Variants in TRHR observed in about 807,000 individuals in gnomAD.
TRHR encodes the protein thyrotropin releasing hormone receptor.
A neutral mutation model predicts 28.0 loss-of-function variants in TRHR; 14 were observed. The ratio of observed to expected loss-of-function variants is 0.50; its 90% confidence interval spans 0.33 to 0.78. The LOEUF is 0.78. Ranked by LOEUF, TRHR falls within the 30% of genes least tolerant of loss-of-function variation. The pLI is 0.02. For missense variants in TRHR, 438 were observed against 469.5 expected (o/e 0.93, Z 0.62); for synonymous variants, 176 against 171.9 (o/e 1.02, Z -0.18).
intron 2 of TRHR, among the ~76,000 whole-genome samples, chr8:109,114,999 T>C (rs1811897322): frequency 6.6e-6 from 1 of 151,978 alleles, no homozygotes; most frequent in Non-Finnish European, 1.5e-5. Context: ...TATAAGATCA[T>C]TTTTACTCAA....
Position 109,119,349 on chromosome 8 carries a change from GC to G in TRHR, c.1092del (p.Ser364ArgfsTer38). ...GTCATCAAGGAGTCAGACCATTTCA[GC>G]ACAGAGCTTGATGATATCACTGTCA... Reference protein sequence around the residue: ...YSVIKESDHFSTELDDITVTD... With the variant: ...YSVIKESDHFXTELDDITVTD... On this transcript the variant is annotated frameshift_variant, in exon 3 of 3. Transcript: ENST00000518632. LOFTEE classifies it high-confidence loss of function. The G allele has an allele frequency of 6.2e-7, 1 of 1,612,360 alleles. No individual in the cohort carries two copies. Among genetic ancestry groups the G allele is most frequent in the South Asian group, 1.1e-5 (1 of 91,022 alleles).
chr8:109,090,994 G>C (rs1025350078), intron 2 of TRHR, among the ~76,000 whole-genome samples: 8 of 152,174 alleles, frequency 5.3e-5, no homozygotes, highest in African/African-American at 1.9e-4. Context: ...GGCAAAGAAA[G>C]GAATTTGCAC....
In TRHR at chr8:109,121,438, G is replaced by T. The variant is rs1319019164; in HGVS notation, c.*1983G>T. 2.6e-5 allele frequency among the ~76,000 whole-genome samples: 4 copies of T among 151,680 alleles called. No homozygotes were observed. Among genetic ancestry groups the T allele is most frequent in the Admixed American group, 1.3e-4 (2 of 15,160 alleles). ...CATCGACTATGTCTCAGGTATGCTG[G>T]TAGGTAGTCAATCAACATTATCTTC... is the stretch of plus-strand genomic sequence containing the variant. On this transcript the variant is annotated 3_prime_UTR_variant, in exon 3 of 3. Transcript: ENST00000518632.
intron 2 of TRHR, among the ~76,000 whole-genome samples, chr8:109,105,743 A>G (rs1230352147): frequency 6.6e-6 from 1 of 152,168 alleles, no homozygotes; most frequent in Non-Finnish European, 1.5e-5. Flanking sequence ...TATTGAATCC[A>G]TATGTTTTCC....
intron 2 of TRHR, among the ~76,000 whole-genome samples, chr8:109,099,134 T>C (rs1811639314): frequency 6.7e-6 from 1 of 149,426 alleles, no homozygotes; most frequent in African/African-American, 2.5e-5. Context: ...AAAGAAATTG[T>C]AAGGGAGAGA....
chr8:109,116,531 G>A (rs1811924057), intron 2 of TRHR, among the ~76,000 whole-genome samples: 1 of 152,046 alleles, frequency 6.6e-6, no homozygotes, highest in Admixed American at 6.6e-5. Context: ...TTAGTCTTGG[G>A]AGGGTGTATG....
chr8:109,106,523 C>G (rs529299152), intron 2 of TRHR, among the ~76,000 whole-genome samples: 1 of 152,240 alleles, frequency 6.6e-6, no homozygotes, highest in African/African-American at 2.4e-5. Flanking sequence ...TACAGAATAA[C>G]AGACTGTTCC....
chr8:109,109,120 C>T lies in TRHR; in HGVS notation c.790-9928C>T, dbSNP rs117810661. Among the ~76,000 whole-genome samples the T allele has an allele frequency of 6.9e-3, 1,056 of 152,192 alleles. 10 individuals carry two copies. Among genetic ancestry groups the T allele is most frequent in the Non-Finnish European group, 8.6e-3 (585 of 68,018 alleles). ...TGAATAAGAATACCTTTGTTAGGTGCGATAGGCATAAACTCTTGTGTAGAA... is the reference window on the plus strand; with the variant it reads ...TGAATAAGAATACCTTTGTTAGGTGTGATAGGCATAAACTCTTGTGTAGAA... On this transcript the variant is annotated intron_variant, in intron 2 of 2. Transcript: ENST00000518632.
chr8:109,113,465 A>G (rs1469247525), intron 2 of TRHR, among the ~76,000 whole-genome samples: 1 of 152,162 alleles, frequency 6.6e-6, no homozygotes, highest in Non-Finnish European at 1.5e-5. Flanking sequence ...GGAAAGTTAG[A>G]GAAACTGTCC....
chr8:109,106,691 A>G (rs529226390), intron 2 of TRHR, among the ~76,000 whole-genome samples: 100 of 152,288 alleles, frequency 6.6e-4, no homozygotes, highest in African/African-American at 2.3e-3. Flanking sequence ...GAAAGAAACC[A>G]GACACAATAT....
intron 2 of TRHR, 49 bp downstream of exon 2, chr8:109,088,350 T>C (rs758266406): frequency 2.5e-6 from 4 of 1,595,384 alleles, no homozygotes; most frequent in Admixed American, 3.4e-5. Context: ...TGGGATAGAG[T>C]TCCTTGGAGA....
intron 2 of TRHR, 35 bp from the exon 3 acceptor site, chr8:109,119,013 G>C: frequency 6.2e-7 from 1 of 1,611,678 alleles, no homozygotes; most frequent in South Asian, 1.1e-5. Flanking sequence ...GTTTTCATTT[G>C]TGTTTGTACA....
intron 2 of TRHR, among the ~76,000 whole-genome samples, chr8:109,117,273 C>A (rs537474791): frequency 6.6e-6 from 1 of 151,816 alleles, no homozygotes; most frequent in Non-Finnish European, 1.5e-5. Flanking sequence ...CTTAAGTAGA[C>A]AGATTTGAAT....
intron 2 of TRHR, among the ~76,000 whole-genome samples, chr8:109,107,406 A>C (rs1050719764): frequency 2.0e-5 from 3 of 152,166 alleles, no homozygotes; most frequent in Non-Finnish European, 4.4e-5. Flanking sequence ...TACAAGGCTG[A>C]AATGTCTTAT....
chr8:109,098,783 T>G (rs569648672), intron 2 of TRHR, among the ~76,000 whole-genome samples: 1 of 152,340 alleles, frequency 6.6e-6, no homozygotes, highest in South Asian at 2.1e-4. Context: ...CTATCCTCCC[T>G]GTGGTAGGTC....
Position 109,119,217 on chromosome 8 carries a change from A to C in TRHR, c.959A>C (p.Tyr320Ser). The C allele has an allele frequency of 6.2e-7, 1 of 1,612,888 alleles. No individual in the cohort carries two copies. Among genetic ancestry groups the C allele is most frequent in the Non-Finnish European group, 8.5e-7 (1 of 1,179,284 alleles). ...YLNSAINPVIYNLMSQKFRAA... is the reference protein window; with the variant it reads ...YLNSAINPVISNLMSQKFRAA... ...AACAGTGCCATCAACCCGGTGATTT[A>C]CAATCTCATGTCCCAGAAATTCCGT... Residue 320 changes from tyrosine (Y) to serine (S), a missense_variant, in exon 3 of 3, where the codon TAC becomes TCC. Transcript: ENST00000518632.
chr8:109,109,331 A>G (rs1811794813), intron 2 of TRHR, among the ~76,000 whole-genome samples: 1 of 152,148 alleles, frequency 6.6e-6, no homozygotes, highest in African/African-American at 2.4e-5. Flanking sequence ...ACTTTGATAT[A>G]CCAATGCCTC....
intron 2 of TRHR, among the ~76,000 whole-genome samples, chr8:109,118,261 T>A (rs934275825): frequency 6.6e-6 from 1 of 151,954 alleles, no homozygotes; most frequent in Non-Finnish European, 1.5e-5. Context: ...TAAAACTTTT[T>A]AAACATGGTA....
chr8:109,093,592 G>A (rs901591075), intron 2 of TRHR, among the ~76,000 whole-genome samples: 1 of 151,460 alleles, frequency 6.6e-6, no homozygotes, highest in African/African-American at 2.4e-5. Flanking sequence ...TTTTAGGAGA[G>A]ACGGGGTTTC....
Sources: allele counts gnomAD v4.1 joint callset (sites outside exome capture counted in the v4.1 genomes callset), GRCh38; gene constraint gnomAD v4.1.1; transcripts MANE v1.5; gene names NCBI Gene and HGNC (gene_info 2026-07-23, HGNC 2026-07-21).